Variants in GPR176 observed in about 807,000 individuals in gnomAD.
GPR176 encodes the protein G-protein coupled receptor 176.
GPR176 carries 26 observed loss-of-function variants against 35.4 expected under a neutral mutation model. The ratio of observed to expected loss-of-function variants is 0.74; its 90% CI spans 0.54 to 1.02. The LOEUF (loss-of-function observed/expected upper bound fraction) is 1.02. Among genes scored for constraint, GPR176 ranks in the 50% least tolerant of loss-of-function variants. The pLI, the probability that GPR176 is intolerant of heterozygous loss-of-function variation, is 0.00. For missense variants in GPR176, 597 were observed against 665.3 expected, an observed-to-expected ratio of 0.90 and a Z score of 1.13; for synonymous variants, 278 against 271.3, an observed-to-expected ratio of 1.02 and a Z score of -0.24.
At chr15:39,818,864 T>A (rs752685081) in intron 1 of GPR176, among the ~76,000 whole-genome samples, 2 of 152,246 alleles carry the variant, frequency 1.3e-5, no homozygotes, top group Non-Finnish European at 2.9e-5. Flanking sequence ...TTTCAGTGAC[T>A]TGAATTTTTT....
At chr15:39,914,792 C>T (rs1209105393) in intron 1 of GPR176, among the ~76,000 whole-genome samples, 1 of 152,200 alleles carries the variant, frequency 6.6e-6, no homozygotes, top group African/African-American at 2.4e-5. Context: ...AACACATCTT[C>T]TATCAAACAT....
At chr15:39,919,794 G>A in intron 1 of GPR176, 61 bp downstream of exon 1, 1 of 1,294,444 alleles carries the variant, frequency 7.7e-7, no homozygotes, top group South Asian at 2.1e-5. Flanking sequence ...CCCTGCTCCC[G>A]GCTCTCCGAG....
At position 39,807,128 on chromosome 15, in the gene GPR176, G is replaced by A. The variant is rs2140783840; in HGVS notation, c.303C>T (p.Leu101=). The A allele has an allele frequency of 6.2e-7, 1 of 1,613,566 alleles. No individual in the cohort carries two copies. Among genetic ancestry groups the A allele is most frequent in the Non-Finnish European group, 8.5e-7 (1 of 1,179,866 alleles). The change falls in exon 2 of 3, where the codon CTC becomes CTT. Residue 101 remains leucine (L), a synonymous_variant. Coordinates refer to ENST00000561100, the MANE Select transcript of GPR176 (RefSeq NM_007223.3). ...SLVCVPFDII[L]STSPHCCWWI... Reference sequence around the variant, plus strand: ...ACCAGCAACAGTGAGGACTGGTGCTGAGGATGATGTCGAAGGGCACACAGA... The same window carrying A: ...ACCAGCAACAGTGAGGACTGGTGCTAAGGATGATGTCGAAGGGCACACAGA...
intron 1 of GPR176, among the ~76,000 whole-genome samples, chr15:39,901,721 T>G (rs2033283290): frequency 6.6e-6 from 1 of 152,084 alleles, no homozygotes; most frequent in South Asian, 2.1e-4. Flanking sequence ...AGGCATCCCT[T>G]AGATCAATGT....
At chr15:39,847,441 A>G (rs1046401042) in intron 1 of GPR176, among the ~76,000 whole-genome samples, 1 of 152,122 alleles carries the variant, frequency 6.6e-6, no homozygotes, top group Admixed American at 6.6e-5. Flanking sequence ...AAGCTGTATC[A>G]TGCAAACATA....
At chr15:39,827,417 G>A (rs1900740252) in intron 1 of GPR176, among the ~76,000 whole-genome samples, 1 of 152,198 alleles carries the variant, frequency 6.6e-6, no homozygotes, top group Non-Finnish European at 1.5e-5. Flanking sequence ...GAGGTTGTTA[G>A]TTGATATCAG....
rs2030936778 is a variant in GPR176, at chr15:39,852,433, A to G, written c.173-45175T>C. Among the ~76,000 whole-genome samples, 2 of 152,216 alleles carry G rather than the reference A, an allele frequency of 1.3e-5. 1 individual carries two copies. The highest frequency in any genetic ancestry group is 1.3e-4 in the Admixed American group (2 of 15,276). The stretch of plus-strand genomic sequence containing the variant: ...GTTCAGCACTCTGTTTAACTGTAGG[A>G]GTCAAAAACTAATCCTTACACAAGA... On this transcript the variant is annotated intron_variant, in intron 1 of 2. Coordinates refer to ENST00000561100, the MANE Select transcript of GPR176 (RefSeq NM_007223.3).
intron 1 of GPR176, among the ~76,000 whole-genome samples, chr15:39,900,771 T>C (rs1180517987): frequency 1.3e-5 from 2 of 152,206 alleles, no homozygotes; most frequent in African/African-American, 2.4e-5. Flanking sequence ...GAGTGGCAGA[T>C]GATGAGTTCC....
chr15:39,903,796 G>GA (rs2033347872), intron 1 of GPR176, among the ~76,000 whole-genome samples: 1 of 152,168 alleles, frequency 6.6e-6, no homozygotes, highest in South Asian at 2.1e-4. Context: ...TGTGTTACAG[G>GA]AAAGGGGTCC....
At chr15:39,825,588 T>G (rs768508942) in intron 1 of GPR176, among the ~76,000 whole-genome samples, 2 of 152,214 alleles carry the variant, frequency 1.3e-5, no homozygotes, top group Non-Finnish European at 2.9e-5. Context: ...TTATTCAGCC[T>G]TTGTCCTACA....
chr15:39,844,079 A>T (rs1333771923), intron 1 of GPR176, among the ~76,000 whole-genome samples: 1 of 152,144 alleles, frequency 6.6e-6, no homozygotes, highest in Non-Finnish European at 1.5e-5. Context: ...AATAATATAA[A>T]ATAAAACTCT....
At chr15:39,829,592 T>TTATAAAACACTTATGC (rs1900924502) in intron 1 of GPR176, among the ~76,000 whole-genome samples, 1 of 152,150 alleles carries the variant, frequency 6.6e-6, no homozygotes, top group South Asian at 2.1e-4. Flanking sequence ...ACTTTCTCTG[T>TTATAAAACACTTATGC]TATAAACACT....
At chr15:39,857,356 T>C (rs2031288789) in intron 1 of GPR176, among the ~76,000 whole-genome samples, 1 of 152,006 alleles carries the variant, frequency 6.6e-6, no homozygotes, top group Non-Finnish European at 1.5e-5. Flanking sequence ...TCACTGAGCC[T>C]GAAAGAAAAC....
At chr15:39,812,384 G>C (rs1306909727) in intron 1 of GPR176, among the ~76,000 whole-genome samples, 1 of 152,230 alleles carries the variant, frequency 6.6e-6, no homozygotes. Flanking sequence ...CTAAGGCTAA[G>C]TCTTCTGGCC....
intron 1 of GPR176, among the ~76,000 whole-genome samples, chr15:39,919,068 G>C (rs1246406996): frequency 6.6e-6 from 1 of 152,126 alleles, no homozygotes; most frequent in African/African-American, 2.4e-5. Flanking sequence ...GTTTGAAGAG[G>C]AGCGATAAAG....
chr15:39,865,983 T>A (rs1289037388), intron 1 of GPR176, among the ~76,000 whole-genome samples: 1 of 152,052 alleles, frequency 6.6e-6, no homozygotes, highest in Non-Finnish European at 1.5e-5. Flanking sequence ...TTAAATAAAT[T>A]ATATACACAC....
chr15:39,904,521 C>T (rs1009980204), intron 1 of GPR176, among the ~76,000 whole-genome samples: 1 of 151,950 alleles, frequency 6.6e-6, no homozygotes, highest in Non-Finnish European at 1.5e-5. Context: ...TCCTACTTAC[C>T]CAGGAAGGAA....
At chr15:39,802,766 A>G (rs1379558876) in intron 2 of GPR176, among the ~76,000 whole-genome samples, 2 of 152,256 alleles carry the variant, frequency 1.3e-5, no homozygotes, top group Non-Finnish European at 2.9e-5. Context: ...CAGTCCAGAT[A>G]TCATTAACAA....
intron 1 of GPR176, among the ~76,000 whole-genome samples, chr15:39,857,826 C>T (rs2031329054): frequency 6.6e-6 from 1 of 151,428 alleles, no homozygotes; most frequent in Admixed American, 6.6e-5. Flanking sequence ...AAAAAATTAG[C>T]CGGGCATGGT....
Sources: gnomAD v4.1 joint callset for allele counts (sites outside exome capture counted in the v4.1 genomes callset) on GRCh38, gnomAD v4.1.1 for gene constraint, MANE v1.5 for transcripts, NCBI Gene and HGNC (gene_info 2026-07-23, HGNC 2026-07-21) for gene names.